MS4A3: variants seen among roughly 807,000 people sequenced by gnomAD.
MS4A3 encodes membrane spanning 4-domains A3.
In MS4A3, 18 loss-of-function variants were observed where a neutral mutation model predicts 24.7. The ratio of observed to expected loss-of-function variants is 0.73; its 90% CI spans 0.50 to 1.08. MS4A3 has a LOEUF of 1.08. Among genes scored for constraint, MS4A3 ranks in the 50% least tolerant of loss-of-function variants. The pLI is 0.00. For synonymous variants in MS4A3, 84 were observed against 95.3 expected (o/e 0.88, Z 0.69); for missense variants, 282 against 251.7 (o/e 1.12, Z -0.82).
At position 60,070,298 on chromosome 11, in the gene MS4A3, C is replaced by T; in HGVS notation, c.*65C>T. 3 of 1,320,678 alleles carry T rather than the reference C, an allele frequency of 2.3e-6. No homozygotes were observed. The South Asian group carries it at 3.7e-5, about 16-fold the overall frequency. The allele number at this position is 1,320,678 out of a possible 1,614,324, so 81.8% of individuals were successfully genotyped here. On this transcript the variant is annotated 3_prime_UTR_variant, in exon 7 of 7. Coordinates refer to ENST00000278865, the MANE Select transcript of MS4A3 (RefSeq NM_006138.5). ...ACCTTAAATCTCCAGTGACTCAGAG[C>T]TTCACCCACAAACTCAGGAGAACAT...
intron 5 of MS4A3, among the ~76,000 whole-genome samples, chr11:60,068,212 A>G (rs1855404327): frequency 6.6e-6 from 1 of 151,490 alleles, no homozygotes; most frequent in South Asian, 2.1e-4. Context: ...TGGTGTTTTC[A>G]AAGGAAAGCT....
At position 60,070,699 on chromosome 11, in the gene MS4A3, A is replaced by G. The variant is rs1404135790; in HGVS notation, c.*466A>G. The G allele has an allele frequency of 6.5e-6, 1 of 152,886 alleles. No individual in the cohort carries two copies. Among genetic ancestry groups the G allele is most frequent in the African/African-American group, 2.4e-5 (1 of 41,472 alleles). 9.5% of individuals were successfully genotyped at this position (152,886 alleles called of 1,614,324 possible). ...AATGCTTCTTGACTTTAACATCAGC[A>G]TTATAAAAAGTGTCAAATAAAAAAT... is the stretch of plus-strand genomic sequence containing the variant. On this transcript the variant is annotated 3_prime_UTR_variant, in exon 7 of 7. Coordinates refer to ENST00000278865, the MANE Select transcript of MS4A3 (RefSeq NM_006138.5).
At chr11:60,065,637 C>T (rs1269586220) in intron 4 of MS4A3, among the ~76,000 whole-genome samples, 7 of 152,314 alleles carry the variant, frequency 4.6e-5, no homozygotes, top group Non-Finnish European at 8.8e-5. Flanking sequence ...GCTAAAACAA[C>T]GGTCAACTCT....
At chr11:60,062,359 A>T in intron 2 of MS4A3, 109 bp from the exon 3 acceptor site, 1 of 1,325,848 alleles carries the variant, frequency 7.5e-7, no homozygotes, top group Non-Finnish European at 1.1e-6. Flanking sequence ...TTGACACTTT[A>T]ACCATTTCAA....
chr11:60,063,590 T>A (rs1006045747), intron 3 of MS4A3, among the ~76,000 whole-genome samples: 3 of 152,210 alleles, frequency 2.0e-5, no homozygotes, highest in African/African-American at 7.2e-5. Flanking sequence ...TTGTGAAGAT[T>A]TTCTCCCACT....
chr11:60,063,161 A>G (rs939617552), intron 3 of MS4A3, among the ~76,000 whole-genome samples: 4 of 152,214 alleles, frequency 2.6e-5, no homozygotes, highest in Non-Finnish European at 5.9e-5. Context: ...CCTAAAAATT[A>G]TCTTATATAT....
intron 3 of MS4A3, among the ~76,000 whole-genome samples, chr11:60,063,442 C>A (rs778769547): frequency 6.6e-5 from 10 of 152,024 alleles, no homozygotes; most frequent in Non-Finnish European, 1.5e-4. Flanking sequence ...TGTTTGTTGG[C>A]CATTTGTATA....
intron 6 of MS4A3, 133 bp from the exon 7 acceptor site, chr11:60,070,071 T>C: frequency 1.3e-6 from 1 of 754,902 alleles, no homozygotes; most frequent in Non-Finnish European, 2.3e-6. Context: ...GTATATAATC[T>C]TTATGGCATT....
At chr11:60,067,891 CA>C (rs1019358608) in intron 5 of MS4A3, among the ~76,000 whole-genome samples, 54 of 142,034 alleles carry the variant, frequency 3.8e-4, no homozygotes, top group Admixed American at 4.2e-4. Context: ...ACTAAAAATA[CA>C]AAAAAAAAAA....
chr11:60,068,384 C>T (rs1472099779), intron 5 of MS4A3, among the ~76,000 whole-genome samples: 122 of 149,740 alleles, frequency 8.1e-4, no homozygotes, highest in Non-Finnish European at 1.4e-3. Flanking sequence ...GGACTACAGG[C>T]GCCCGCCACC....
Position 60,070,882 on chromosome 11 carries a change from T to C in MS4A3, c.*649T>C, listed in dbSNP as rs1855464923. ...TCTGAGAGCAAGCCCAAATGTGTTC[T>C]TCAAAGGACAATGGGAAACTGTAAA... On this transcript the variant is annotated 3_prime_UTR_variant, in exon 7 of 7. Transcript: ENST00000278865. 6.6e-6 allele frequency: 1 copy of C among 152,296 alleles called. No homozygotes were observed. Among genetic ancestry groups the C allele is most frequent in the African/African-American group, 2.4e-5 (1 of 41,454 alleles). The allele number at this position is 152,296 out of a possible 1,614,324, so 9.4% of individuals were successfully genotyped here.
intron 1 of MS4A3, 27 bp from the exon 2 acceptor site, chr11:60,061,119 A>G: frequency 6.5e-7 from 1 of 1,527,744 alleles, no homozygotes; most frequent in Non-Finnish European, 8.8e-7. Context: ...GAAAGCATGA[A>G]GGCTTTGGAT....
chr11:60,057,633 T>C (rs1855193196), intron 1 of MS4A3, among the ~76,000 whole-genome samples: 1 of 152,144 alleles, frequency 6.6e-6, no homozygotes, highest in Non-Finnish European at 1.5e-5. Flanking sequence ...CTCAATCTCC[T>C]GACCTTGAGA....
In MS4A3 at chr11:60,061,326, C is replaced by T. The variant is rs891862755; in HGVS notation, c.156+10C>T. ...ATTACAAGTTCTTGGGGTAAGTCAGCCTTAGTTTAAACACTGATTTAAGAG... is the reference window on the plus strand; with the variant it reads ...ATTACAAGTTCTTGGGGTAAGTCAGTCTTAGTTTAAACACTGATTTAAGAG... On this transcript the variant is annotated intron_variant, in intron 2 of 6. Coordinates refer to ENST00000278865, the MANE Select transcript of MS4A3 (RefSeq NM_006138.5). 6.2e-7 allele frequency: 1 copy of T among 1,600,466 alleles called. No individual in the cohort carries two copies. Among genetic ancestry groups the T allele is most frequent in the Middle Eastern group, 1.7e-4 (1 of 5,990 alleles).
chr11:60,064,137 G>A (rs963372907), intron 3 of MS4A3, 125 bp from the exon 4 acceptor site: 1 of 483,938 alleles, frequency 2.1e-6, no homozygotes, highest in South Asian at 3.8e-5. Flanking sequence ...TGTGTCCTAG[G>A]ATGTGAATTT....
At chr11:60,064,596 T>C (rs568232221) in intron 4 of MS4A3, among the ~76,000 whole-genome samples, 32 of 152,286 alleles carry the variant, frequency 2.1e-4, no homozygotes, top group African/African-American at 6.7e-4. Flanking sequence ...ATTCTAATTA[T>C]TTGGAAGTAA....
intron 1 of MS4A3, among the ~76,000 whole-genome samples, chr11:60,057,147 G>C (rs1855183502): frequency 6.6e-6 from 1 of 152,112 alleles, no homozygotes; most frequent in Admixed American, 6.5e-5. Context: ...ATAGCTTGAG[G>C]TTCTGATTTT....
At chr11:60,062,926 G>C (rs547575701) in intron 3 of MS4A3, among the ~76,000 whole-genome samples, 1 of 152,088 alleles carries the variant, frequency 6.6e-6, no homozygotes, top group South Asian at 2.1e-4. Context: ...TGAGTGGCTG[G>C]GATTACAGGC....
Position 60,064,275 on chromosome 11 carries a change from G to A in MS4A3, c.308G>A (p.Gly103Glu), listed in dbSNP as rs374038673. Residue 103 changes from glycine (G) to glutamate (E), a missense_variant, in exon 4 of 7, where the codon GGA (glycine) becomes GAA (glutamate). Gly to Glu is a moderately conservative substitution (Grantham distance 98). Coordinates refer to ENST00000278865, the MANE Select transcript of MS4A3 (RefSeq NM_006138.5). ...IWGAVFFCSS[G>E]TLSVVAGIKP... is the part of the protein sequence containing the mutation. ...ATTTTCAAACAGTTCTGTAGTTCAG[G>A]AACCTTGTCTGTTGTAGCAGGGATA... 2 of 1,604,228 alleles carry A rather than the reference G, an allele frequency of 1.2e-6. No individual in the cohort carries two copies. Among genetic ancestry groups the A allele is most frequent in the Non-Finnish European group, 1.7e-6 (2 of 1,175,446 alleles).
Sources: allele counts gnomAD v4.1 joint callset (sites outside exome capture counted in the v4.1 genomes callset), GRCh38; gene constraint gnomAD v4.1.1; transcripts MANE v1.5; gene names NCBI Gene and HGNC (gene_info 2026-07-23, HGNC 2026-07-21).